TCHP: variants seen among roughly 807,000 people sequenced by gnomAD.
TCHP encodes trichoplein keratin filament binding, also known as trichoplein keratin filament-binding protein.
Under a neutral mutation model 88.7 loss-of-function variants are expected in TCHP, and 81 were observed. The ratio of observed to expected loss-of-function variants is 0.91; its 90% CI spans 0.76 to 1.10. The LOEUF (loss-of-function observed/expected upper bound fraction) is 1.10, where lower values mean the gene tolerates loss of function less well. TCHP is among the 50% of genes least tolerant of loss of function. The pLI, the probability that TCHP is intolerant of heterozygous loss-of-function variation, is 0.00. For synonymous variants in TCHP, 232 were observed against 232.5 expected (o/e 1.00, Z 0.02); for missense variants, 641 against 632.1 (o/e 1.01, Z -0.15).
intron 4 of TCHP, 81 bp from the exon 5 acceptor site, chr12:109,906,491 C>T (rs773385894): frequency 1.5e-5 from 21 of 1,369,680 alleles, no homozygotes; most frequent in Non-Finnish European, 1.8e-5. Flanking sequence ...CCGCAGGTGG[C>T]ACAGAGGGCA....
At chr12:109,904,880 C>T (rs16940657) in intron 4 of TCHP, 87 bp downstream of exon 4, 122,260 of 1,256,112 alleles carry the variant, frequency 0.097, 11,236 homozygotes, top group African/African-American at 0.47. Flanking sequence ...TATCTTGTAC[C>T]GGGTTGAAAC....
chr12:109,916,711 G>A lies in TCHP; in HGVS notation c.*88G>A. On this transcript the variant is annotated 3_prime_UTR_variant, in exon 13 of 13. Coordinates refer to ENST00000405876, the MANE Select transcript of TCHP (RefSeq NM_001143852.2). The stretch of plus-strand genomic sequence containing the variant: ...GCAGTTTTACAGGGCTCTGTTAACA[G>A]TAAGTGCCCGGGGCACTGTCAGATG... The A allele has an allele frequency of 7.5e-7, 1 of 1,324,950 alleles. No individual in the cohort carries two copies. The highest frequency in any genetic ancestry group is 1.1e-6 in the Non-Finnish European group (1 of 941,436). The allele number at this position is 1,324,950 out of a possible 1,614,324, so 82.1% of individuals were successfully genotyped here.
chr12:109,892,240 G>A, the TCHP span, among the ~76,000 whole-genome samples: 1 of 152,148 alleles, frequency 6.6e-6, no homozygotes, highest in African/African-American at 2.4e-5. Context: ...GAAAAATACA[G>A]TATGTCCTGA....
chr12:109,882,797 C>T, the TCHP span, among the ~76,000 whole-genome samples: 6 of 151,598 alleles, frequency 4.0e-5, no homozygotes, highest in Non-Finnish European at 8.8e-5. Context: ...GCTGGGATTA[C>T]AGGCATTTGC....
At chr12:109,908,987 A>G (rs1000525782) in intron 8 of TCHP, 50 bp downstream of exon 8, 1 of 1,566,090 alleles carries the variant, frequency 6.4e-7, no homozygotes. Context: ...TTTTGTAAAA[A>G]AGGCCTTCCA....
At chr12:109,909,567 C>A (rs1274395184) in intron 8 of TCHP, among the ~76,000 whole-genome samples, 1 of 152,244 alleles carries the variant, frequency 6.6e-6, no homozygotes, top group African/African-American at 2.4e-5. Flanking sequence ...CGCCTATAAT[C>A]CCAGCACTTT....
rs1165499518 is a variant in TCHP, at chr12:109,917,156, A to G, written c.*533A>G. On this transcript the variant is annotated 3_prime_UTR_variant, in exon 13 of 13. Coordinates refer to ENST00000405876, the MANE Select transcript of TCHP (RefSeq NM_001143852.2). ...ATCTTTTATATTCTGGAAGAAAAGAACTGTGAACAAATTAGAACCCCGGAA... is the reference window on the plus strand; with the variant it reads ...ATCTTTTATATTCTGGAAGAAAAGAGCTGTGAACAAATTAGAACCCCGGAA... The G allele has an allele frequency of 6.6e-6, 1 of 152,342 alleles. No individual in the cohort carries two copies. Among genetic ancestry groups the G allele is most frequent in the Non-Finnish European group, 1.5e-5 (1 of 68,126 alleles). 9.4% of individuals were successfully genotyped at this position (152,342 alleles called of 1,614,324 possible).
chr12:109,908,531 ATC>A, intron 6 of TCHP, 53 bp from the exon 7 acceptor site: 1 of 1,448,086 alleles, frequency 6.9e-7, no homozygotes, highest in Non-Finnish European at 9.5e-7. Context: ...ATGAAGGAAG[ATC>A]TGATTCCCAC....
At chr12:109,907,477 G>T (rs1299265550) in intron 5 of TCHP, 49 bp from the exon 6 acceptor site, 21 of 1,574,044 alleles carry the variant, frequency 1.3e-5, no homozygotes, top group Non-Finnish European at 1.8e-5. Context: ...CTAGGTTTTT[G>T]TTGGCTTACG....
chr12:109,901,992 AAAGTCAT>A (rs1383109256), intron 1 of TCHP, among the ~76,000 whole-genome samples: 8 of 152,180 alleles, frequency 5.3e-5, no homozygotes, highest in African/African-American at 1.4e-4. Flanking sequence ...AGAATGAAAA[AAAGTCAT>A]ATGTATTGAG....
intron 8 of TCHP, among the ~76,000 whole-genome samples, 176 bp from the exon 9 acceptor site, chr12:109,910,887 T>TG (rs1194508367): frequency 6.6e-6 from 1 of 152,206 alleles, no homozygotes; most frequent in Non-Finnish European, 1.5e-5. Context: ...CCCCTCGTGA[T>TG]TATCCCCAGT....
chr12:109,893,550 CAA>C, the TCHP span, among the ~76,000 whole-genome samples: 1 of 152,076 alleles, frequency 6.6e-6, no homozygotes, highest in Non-Finnish European at 1.5e-5. Flanking sequence ...TGCCTAATGC[CAA>C]AGTGTCCCAT....
At chr12:109,902,949 C>A in intron 1 of TCHP, 78 bp from the exon 2 acceptor site, 1 of 1,256,560 alleles carries the variant, frequency 8.0e-7, no homozygotes, top group Non-Finnish European at 1.1e-6. Context: ...GGTGACCACT[C>A]GTTAAAGGGA....
intron 11 of TCHP, chr12:109,914,981 T>C: frequency 2.5e-6 from 1 of 395,350 alleles, no homozygotes; most frequent in South Asian, 2.5e-5. Context: ...TTTCACGAGG[T>C]ACACGCCACG....
the TCHP span, among the ~76,000 whole-genome samples, chr12:109,895,235 T>C: frequency 6.9e-6 from 1 of 143,962 alleles, no homozygotes; most frequent in East Asian, 2.0e-4. Flanking sequence ...TCAGAGACAG[T>C]GTCTCATTCT....
At chr12:109,881,811 G>A in the TCHP span, among the ~76,000 whole-genome samples, 1 of 152,146 alleles carries the variant, frequency 6.6e-6, no homozygotes, top group Admixed American at 6.5e-5. Context: ...CCACCTAGAT[G>A]CTTATGTCCT....
At chr12:109,881,509 T>C in the TCHP span, among the ~76,000 whole-genome samples, 1 of 152,250 alleles carries the variant, frequency 6.6e-6, no homozygotes, top group African/African-American at 2.4e-5. Flanking sequence ...ATTGAGACCC[T>C]AGAAAATTCT....
chr12:109,911,040 G>A (rs773513460), intron 8 of TCHP, 23 bp from the exon 9 acceptor site: 14 of 1,533,014 alleles, frequency 9.1e-6, no homozygotes, highest in South Asian at 6.2e-5. Context: ...GCCCAGCCAC[G>A]TGCCGCCCTC....
intron 3 of TCHP, 139 bp downstream of exon 3, chr12:109,904,286 A>T (rs1394327753): frequency 1.9e-5 from 14 of 742,004 alleles, no homozygotes; most frequent in Middle Eastern, 3.8e-4. Flanking sequence ...AAAAGAGCTT[A>T]GGTCCTTGTG....
Sources: gnomAD v4.1 joint callset for allele counts (sites outside exome capture counted in the v4.1 genomes callset) on GRCh38, gnomAD v4.1.1 for gene constraint, MANE v1.5 for transcripts, NCBI Gene and HGNC (gene_info 2026-07-23, HGNC 2026-07-21) for gene names.